The following SLC4A4 variants were observed in gnomAD, a reference collection of about 807,000 sequenced individuals.
SLC4A4 encodes the protein solute carrier family 4 member 4.
In SLC4A4, 27 loss-of-function variants were observed where a neutral mutation model predicts 111.5. The observed-to-expected ratio is 0.24, with a 90% confidence interval of 0.18 to 0.33. The LOEUF (loss-of-function observed/expected upper bound fraction) is 0.33. SLC4A4 is among the 10% of genes least tolerant of loss of function. The probability of loss-of-function intolerance (pLI) is 1.00; values close to 1 mark genes in which losing one functional copy is unlikely to be tolerated. For missense variants in SLC4A4, 909 were observed against 1,315.5 expected (o/e 0.69, Z 4.78); for synonymous variants, 443 against 463.4 (o/e 0.96, Z 0.57).
intron 2 of SLC4A4, among the ~76,000 whole-genome samples, chr4:71,123,042 G>A (rs545301337): frequency 6.6e-6 from 1 of 152,238 alleles, no homozygotes; most frequent in South Asian, 2.1e-4. Flanking sequence ...GAACAAGAAC[G>A]ATCTCTTGAA....
chr4:71,108,733 C>T (rs1294692053), intron 2 of SLC4A4, among the ~76,000 whole-genome samples: 1 of 152,042 alleles, frequency 6.6e-6, no homozygotes, highest in African/African-American at 2.4e-5. Context: ...TTCTTCCAAC[C>T]CCTTTCTCTC....
Position 71,122,941 on chromosome 4 carries a change from A to G in SLC4A4, c.-2+30149A>G, listed in dbSNP as rs1004521056. ...AAATAAATCCAGAGGAATCAGGGAT[A>G]GCACAGAGAATCTTAAAACTCTCAT... On this transcript the variant is annotated intron_variant, in intron 2 of 26. Transcript: ENST00000649996. Among the ~76,000 whole-genome samples the G allele has an allele frequency of 7.2e-5, 11 of 152,246 alleles. No homozygotes were observed. In the South Asian group the frequency reaches 2.3e-3, roughly 32 times the overall value.
At chr4:71,528,283 C>A (rs1733593989) in intron 16 of SLC4A4, among the ~76,000 whole-genome samples, 1 of 151,946 alleles carries the variant, frequency 6.6e-6, no homozygotes, top group Non-Finnish European at 1.5e-5. Context: ...ATGTTAATGC[C>A]ATCTTTAGAG....
At chr4:71,294,775 G>C (rs1323863912) in intron 3 of SLC4A4, among the ~76,000 whole-genome samples, 1 of 152,196 alleles carries the variant, frequency 6.6e-6, no homozygotes, top group East Asian at 1.9e-4. Context: ...CGGACTTGCT[G>C]CTTCAAAAGT....
At chr4:71,422,520 C>A (rs1335151257) in intron 7 of SLC4A4, among the ~76,000 whole-genome samples, 1 of 152,104 alleles carries the variant, frequency 6.6e-6, no homozygotes, top group Non-Finnish European at 1.5e-5. Flanking sequence ...CAAAGTTGGG[C>A]AGAGACACAA....
chr4:71,092,283 T>C (rs1263571839), intron 1 of SLC4A4, among the ~76,000 whole-genome samples: 2 of 152,208 alleles, frequency 1.3e-5, no homozygotes, highest in Non-Finnish European at 2.9e-5. Context: ...AAAATTCATA[T>C]GGTTGATGGA....
At chr4:71,540,584 T>A (rs533442867) in intron 18 of SLC4A4, among the ~76,000 whole-genome samples, 3 of 152,166 alleles carry the variant, frequency 2.0e-5, no homozygotes, top group Non-Finnish European at 2.9e-5. Flanking sequence ...TTGTGTTAGA[T>A]GTTGAAGATA....
chr4:71,409,217 G>A (rs1359132201), intron 7 of SLC4A4, among the ~76,000 whole-genome samples: 2 of 152,204 alleles, frequency 1.3e-5, no homozygotes, highest in African/African-American at 2.4e-5. Context: ...ACCCAAAAAT[G>A]TGGAAGCAAC....
intron 3 of SLC4A4, among the ~76,000 whole-genome samples, chr4:71,297,878 G>A (rs74634948): frequency 6.6e-6 from 1 of 152,042 alleles, no homozygotes; most frequent in African/African-American, 2.4e-5. Context: ...TTGAGCCACC[G>A]TGCCCAGCCA....
chr4:71,466,429 T>G lies in SLC4A4; in HGVS notation c.1498-15T>G. On this transcript the variant is annotated splice_polypyrimidine_tract_variant and intron_variant, in intron 12 of 25. Transcript: ENST00000264485. The stretch of plus-strand genomic sequence containing the variant: ...AGATGTGTTTCATTTAACATCTATA[T>G]TTTCTTTATTTTAGGGCGTGTTGGA... The G allele has an allele frequency of 6.2e-7, 1 of 1,613,380 alleles. No individual in the cohort carries two copies.
chr4:71,199,271 T>C (rs1225092256), intron 1 of SLC4A4, among the ~76,000 whole-genome samples: 1 of 152,184 alleles, frequency 6.6e-6, no homozygotes, highest in Non-Finnish European at 1.5e-5. Context: ...TGTAAATGCA[T>C]TGTTACATTT....
chr4:71,182,853 G>C (rs1203833073), upstream of SLC4A4, among the ~76,000 whole-genome samples: 1 of 151,936 alleles, frequency 6.6e-6, no homozygotes, highest in Non-Finnish European at 1.5e-5. Flanking sequence ...TTTAAATCAG[G>C]GGCCTGGGTT....
At chr4:71,364,963 C>G (rs995769737) in intron 6 of SLC4A4, among the ~76,000 whole-genome samples, 1 of 152,124 alleles carries the variant, frequency 6.6e-6, no homozygotes, top group Non-Finnish European at 1.5e-5. Flanking sequence ...TCATTATCTA[C>G]TTTGCAGATG....
At chr4:71,218,928 T>C (rs901169897) in intron 1 of SLC4A4, among the ~76,000 whole-genome samples, 1 of 152,228 alleles carries the variant, frequency 6.6e-6, no homozygotes, top group Non-Finnish European at 1.5e-5. Context: ...AAGAAGGGAC[T>C]ATGCTGTCAC....
At chr4:71,353,382 T>G (rs1439797450) in intron 5 of SLC4A4, among the ~76,000 whole-genome samples, 1 of 152,060 alleles carries the variant, frequency 6.6e-6, no homozygotes, top group East Asian at 1.9e-4. Context: ...CAGGGACAAA[T>G]AACACATCAT....
At chr4:71,119,850 G>A (rs1370046140) in intron 2 of SLC4A4, among the ~76,000 whole-genome samples, 2 of 152,064 alleles carry the variant, frequency 1.3e-5, no homozygotes, top group African/African-American at 4.8e-5. Context: ...TTTATATTGT[G>A]CATTTCTTGA....
intron 3 of SLC4A4, among the ~76,000 whole-genome samples, chr4:71,318,667 A>C (rs1726884036): frequency 6.6e-6 from 1 of 152,046 alleles, no homozygotes; most frequent in Admixed American, 6.6e-5. Flanking sequence ...AAGTAGGATT[A>C]GGTGAATATA....
At chr4:71,455,701 T>C (rs138202452) in intron 12 of SLC4A4, among the ~76,000 whole-genome samples, 271 of 152,276 alleles carry the variant, frequency 1.8e-3, no homozygotes, top group African/African-American at 6.2e-3. Flanking sequence ...GACATTCTCA[T>C]TGAGATGGGG....
chr4:71,278,529 T>G (rs915926971), intron 3 of SLC4A4, among the ~76,000 whole-genome samples: 1 of 152,198 alleles, frequency 6.6e-6, no homozygotes, highest in Non-Finnish European at 1.5e-5. Context: ...CATACTGTTT[T>G]CCATAATGGC....
Sources: allele counts gnomAD v4.1 joint callset (sites outside exome capture counted in the v4.1 genomes callset), GRCh38; gene constraint gnomAD v4.1.1; transcripts MANE v1.5; gene names NCBI Gene and HGNC (gene_info 2026-07-23, HGNC 2026-07-21).